The following ADGRV1 variants were observed in gnomAD, a reference collection of about 807,000 sequenced individuals.
ADGRV1 encodes G-protein coupled receptor 98.
In ADGRV1, 359 loss-of-function variants were observed where a neutral mutation model predicts 596.2. The ratio of observed to expected loss-of-function variants is 0.60; its 90% CI spans 0.55 to 0.66. The LOEUF is 0.66. Among genes scored for constraint, ADGRV1 ranks in the 30% least tolerant of loss-of-function variants. The pLI, the probability that ADGRV1 is intolerant of heterozygous loss-of-function variation, is 0.00. For missense variants in ADGRV1, 7,274 were observed against 7,575.6 expected, an observed-to-expected ratio of 0.96 and a Z score of 1.48; for synonymous variants, 2,681 against 2,679.2, an observed-to-expected ratio of 1.00 and a Z score of -0.02.
intron 83 of ADGRV1, among the ~76,000 whole-genome samples, chr5:90,913,549 G>A (rs1392569232): frequency 1.3e-5 from 2 of 152,104 alleles, no homozygotes; most frequent in African/African-American, 4.8e-5. Context: ...GTCTTTTGCA[G>A]TAAAGTTAAA....
rs142946070 is a variant in ADGRV1, at chr5:90,895,423, G to C, written c.17856+31566G>C. Among the ~76,000 whole-genome samples the C allele has an allele frequency of 4.7e-3, 714 of 152,220 alleles. 10 individuals carry two copies. The highest frequency in any genetic ancestry group is 0.016 in the East Asian group (84 of 5,184). ...ATTGAGAAGAAAGGAAAATATCTAAGACAATAACAGTCTTGACAGAGAAAA... is the reference window on the plus strand; with the variant it reads ...ATTGAGAAGAAAGGAAAATATCTAACACAATAACAGTCTTGACAGAGAAAA... On this transcript the variant is annotated intron_variant, in intron 83 of 89. Transcript: ENST00000405460.
chr5:91,031,188 G>C, intron 85 of ADGRV1: 1 of 1,487,998 alleles, frequency 6.7e-7, no homozygotes, highest in Middle Eastern at 1.7e-4. Flanking sequence ...AAGGCAAGAA[G>C]AGTAATCGAG....
At chr5:91,029,835 A>G (rs1347294620) in intron 85 of ADGRV1, among the ~76,000 whole-genome samples, 3 of 152,076 alleles carry the variant, frequency 2.0e-5, no homozygotes, top group Non-Finnish European at 4.4e-5. Flanking sequence ...ATATTAACCA[A>G]TATTTTCCTT....
At chr5:91,006,429 A>C (rs2151126544) in intron 85 of ADGRV1, among the ~76,000 whole-genome samples, 1 of 152,324 alleles carries the variant, frequency 6.6e-6, no homozygotes, top group South Asian at 2.1e-4. Context: ...AAACATACAA[A>C]ATCCAGAAAT....
chr5:90,689,497 A>G (rs1218632471), intron 29 of ADGRV1, among the ~76,000 whole-genome samples: 1 of 151,940 alleles, frequency 6.6e-6, no homozygotes, highest in Non-Finnish European at 1.5e-5. Context: ...TGGCATTACA[A>G]TTCTATTTCT....
At chr5:90,661,476 A>G (rs1466833661) in intron 21 of ADGRV1, among the ~76,000 whole-genome samples, 1 of 152,214 alleles carries the variant, frequency 6.6e-6, no homozygotes, top group Non-Finnish European at 1.5e-5. Context: ...GTATAATCCG[A>G]TATCACCAAT....
chr5:90,857,338 A>G (rs1473347828), intron 82 of ADGRV1, among the ~76,000 whole-genome samples: 1 of 152,096 alleles, frequency 6.6e-6, no homozygotes, highest in Non-Finnish European at 1.5e-5. Flanking sequence ...GCATAGGTTT[A>G]TGTGCTGCTA....
intron 85 of ADGRV1, among the ~76,000 whole-genome samples, chr5:90,999,805 TTGTAGA>T (rs1215592015): frequency 2.0e-5 from 3 of 152,130 alleles, no homozygotes; most frequent in Admixed American, 6.5e-5. Context: ...GGAAGTTCTG[TTGTAGA>T]TGTCTCTAAT....
At chr5:90,831,515 A>T (rs1471216427) in intron 77 of ADGRV1, among the ~76,000 whole-genome samples, 1 of 152,160 alleles carries the variant, frequency 6.6e-6, no homozygotes, top group Non-Finnish European at 1.5e-5. Flanking sequence ...TCACATCAGG[A>T]TAAATGGGGT....
chr5:90,668,966 C>A (rs1298692053), intron 21 of ADGRV1, among the ~76,000 whole-genome samples: 1 of 152,084 alleles, frequency 6.6e-6, no homozygotes, highest in African/African-American at 2.4e-5. Context: ...TAAAAGAAAC[C>A]ATTATACATT....
In ADGRV1 at chr5:90,694,289, C is replaced by CATA; in HGVS notation, c.7536_7538dup (p.Ile2512dup). ...ATGAGCCTGTGACAAGGCAATGGGCCATAATGCAGGAAGGTGATGAATTCG... is the reference window on the plus strand; with the variant it reads ...ATGAGCCTGTGACAAGGCAATGGGCCATAATAATGCAGGAAGGTGATGAATTCG... On this transcript the variant is annotated inframe_insertion, in exon 33 of 90. Coordinates refer to ENST00000405460, the MANE Select transcript of ADGRV1 (RefSeq NM_032119.4). The CATA allele has an allele frequency of 6.2e-7, 1 of 1,613,936 alleles. No individual in the cohort carries two copies. Among genetic ancestry groups the CATA allele is most frequent in the Non-Finnish European group, 8.5e-7 (1 of 1,179,852 alleles).
chr5:90,677,044 A>G (rs565130748), intron 25 of ADGRV1, among the ~76,000 whole-genome samples: 2 of 152,282 alleles, frequency 1.3e-5, no homozygotes, highest in Admixed American at 6.5e-5. Context: ...AATACATACG[A>G]TATGCATTGT....
chr5:90,687,135 C>T (rs542659082), intron 29 of ADGRV1, among the ~76,000 whole-genome samples: 101 of 152,128 alleles, frequency 6.6e-4, no homozygotes, highest in African/African-American at 2.1e-3. Flanking sequence ...GAGTAGGTTG[C>T]GAAAATTTTC....
Position 90,805,445 on chromosome 5 carries a change from G to C in ADGRV1, c.14823G>C (p.Met4941Ile). The stretch of plus-strand genomic sequence containing the variant: ...CTGAATTCATTGTTGTTGGCAACAT[G>C]ACCCCAACACTGGGTGAGTTGTAGT... ...EIPEFIVVGN[M>I]TPTLGSLSFS... is the part of the protein sequence containing the mutation. The change falls in exon 72 of 90, where the codon ATG becomes ATC. Residue 4941 changes from methionine (M) to isoleucine (I), a missense_variant. By Grantham distance (10) the Met-to-Ile change is conservative. Coordinates refer to ENST00000405460, the MANE Select transcript of ADGRV1 (RefSeq NM_032119.4). 6.3e-7 allele frequency: 1 copy of C among 1,589,544 alleles called. No homozygotes were observed. Among genetic ancestry groups the C allele is most frequent in the Non-Finnish European group, 8.6e-7 (1 of 1,160,498 alleles).
intron 1 of ADGRV1, among the ~76,000 whole-genome samples, chr5:90,570,348 G>A (rs965615271): frequency 5.9e-5 from 9 of 151,896 alleles, no homozygotes; most frequent in African/African-American, 2.2e-4. Flanking sequence ...TTCCTCTTTC[G>A]TGATTCTCTC....
intron 1 of ADGRV1, chr5:90,614,155 GAAAAA>G (rs11286344): frequency 2.3e-3 from 605 of 259,494 alleles, no homozygotes; most frequent in South Asian, 3.7e-3. Flanking sequence ...ATATCATAGT[GAAAAA>G]AAAAAAAAAA....
intron 1 of ADGRV1, among the ~76,000 whole-genome samples, chr5:90,599,289 C>T (rs1241168162): frequency 2.0e-5 from 3 of 152,084 alleles, no homozygotes; most frequent in Non-Finnish European, 4.4e-5. Flanking sequence ...AAAAATTTTA[C>T]AAAATGTTTT....
At chr5:90,906,313 T>C (rs1484166726) in intron 83 of ADGRV1, among the ~76,000 whole-genome samples, 1 of 152,146 alleles carries the variant, frequency 6.6e-6, no homozygotes, top group Non-Finnish European at 1.5e-5. Context: ...GTATTAGTTC[T>C]TCTTTAAATG....
At chr5:91,027,081 G>T (rs1387929141) in intron 85 of ADGRV1, among the ~76,000 whole-genome samples, 3 of 150,676 alleles carry the variant, frequency 2.0e-5, no homozygotes, top group Non-Finnish European at 4.4e-5. Context: ...GGCAGAGGTT[G>T]CAGTGAACCA....
Sources: gnomAD v4.1 joint callset for allele counts (sites outside exome capture counted in the v4.1 genomes callset) on GRCh38, gnomAD v4.1.1 for gene constraint, MANE v1.5 for transcripts, NCBI Gene and HGNC (gene_info 2026-07-23, HGNC 2026-07-21) for gene names.